CA1: variants seen among roughly 807,000 people sequenced by gnomAD.
The protein encoded by CA1 is carbonate dehydratase I.
Under a neutral mutation model 28.8 loss-of-function variants are expected in CA1, and 27 were observed. That is an observed-to-expected ratio of 0.94 (90% confidence interval 0.69 to 1.29). The LOEUF is 1.29. CA1 is among the 50% of genes most tolerant of loss of function. The probability of loss-of-function intolerance (pLI) is 0.00; values close to 1 mark genes in which losing one functional copy is unlikely to be tolerated. For synonymous variants in CA1, 121 were observed against 108.8 expected (o/e 1.11, Z -0.70); for missense variants, 335 against 310.5 (o/e 1.08, Z -0.59).
chr8:85,337,970 T>C, intron 3 of CA1: 1 of 535,064 alleles, frequency 1.9e-6, no homozygotes, highest in South Asian at 1.9e-5. Flanking sequence ...ATAAATGCTG[T>C]TTATTCAGAG....
intron 1 of CA1, among the ~76,000 whole-genome samples, chr8:85,352,554 C>T (rs1007243815): frequency 6.6e-6 from 1 of 152,086 alleles, no homozygotes; most frequent in South Asian, 2.1e-4. Context: ...AGACTGTGAC[C>T]TTGCCTTTGA....
chr8:85,375,524 A>G (rs1485395090), intron 1 of CA1, among the ~76,000 whole-genome samples: 1 of 152,168 alleles, frequency 6.6e-6, no homozygotes, highest in Non-Finnish European at 1.5e-5. Context: ...TTTTGAAAAA[A>G]AAAAAAGATT....
chr8:85,354,393 A>G (rs563018253), intron 1 of CA1, among the ~76,000 whole-genome samples: 5 of 152,062 alleles, frequency 3.3e-5, no homozygotes, highest in African/African-American at 9.6e-5. Flanking sequence ...AATCTCTTAG[A>G]TACACCCCAG....
chr8:85,357,560 G>A (rs1809648777), intron 1 of CA1, among the ~76,000 whole-genome samples: 1 of 152,104 alleles, frequency 6.6e-6, no homozygotes. Context: ...TAATGAAATA[G>A]AATAAAATCT....
chr8:85,340,624 T>A (rs1808875240), intron 2 of CA1, among the ~76,000 whole-genome samples: 1 of 152,236 alleles, frequency 6.6e-6, no homozygotes, highest in South Asian at 2.1e-4. Flanking sequence ...TAATTTTTTT[T>A]ATGATGGATC....
rs73691821 is a variant in CA1 at position 85,337,753 on chromosome 8, G to T, written c.235+499C>A. ...TTTAAATCAGTAGAACTGTTTTATG[G>T]AATTGTCATTTAATAAAATATTCAA... On this transcript the variant is annotated intron_variant, in intron 3 of 7. Coordinates refer to ENST00000523022, the MANE Select transcript of CA1 (RefSeq NM_001128831.4). Among the ~76,000 whole-genome samples the T allele has an allele frequency of 6.6e-3, 1,008 of 152,236 alleles. 11 individuals are homozygous for T. Among genetic ancestry groups the T allele is most frequent in the African/African-American group, 0.023 (944 of 41,544 alleles).
chr8:85,345,061 G>T (rs1304137087), intron 1 of CA1, among the ~76,000 whole-genome samples: 1 of 152,122 alleles, frequency 6.6e-6, no homozygotes, highest in Non-Finnish European at 1.5e-5. Flanking sequence ...TTTCTGCATT[G>T]AGACAACTAG....
intron 1 of CA1, among the ~76,000 whole-genome samples, chr8:85,370,603 G>T (rs1381314481): frequency 6.6e-6 from 1 of 151,842 alleles, no homozygotes; most frequent in Non-Finnish European, 1.5e-5. Context: ...CAGTAGAGAT[G>T]CTTTTTATTT....
chr8:85,354,301 T>TA (rs1487625305), intron 1 of CA1, among the ~76,000 whole-genome samples: 1 of 151,242 alleles, frequency 6.6e-6, no homozygotes, highest in Non-Finnish European at 1.5e-5. Context: ...TTTTCTTTTT[T>TA]TTTTAACATA....
intron 1 of CA1, among the ~76,000 whole-genome samples, chr8:85,371,521 T>C (rs557974911): frequency 5.3e-5 from 8 of 152,188 alleles, no homozygotes; most frequent in South Asian, 2.1e-4. Flanking sequence ...TTTAATGCCA[T>C]GTGTAGTACA....
At chr8:85,340,846 C>T (rs1808883803) in intron 2 of CA1, among the ~76,000 whole-genome samples, 1 of 152,090 alleles carries the variant, frequency 6.6e-6, no homozygotes, top group Admixed American at 6.6e-5. Flanking sequence ...CCTCCACCAT[C>T]AAAAAGATTA....
chr8:85,353,959 CT>C lies in CA1; in HGVS notation c.-24-12301del, dbSNP rs112342471. ...GACAGGGAGGGAAAGGTAATACATA[CT>C]TTTTTTTTTCTTTTCTTTTTTTGAG... On this transcript the variant is annotated intron_variant, in intron 1 of 7. Coordinates refer to ENST00000523022, the MANE Select transcript of CA1 (RefSeq NM_001128831.4). Among the ~76,000 whole-genome samples, 657 of 149,272 alleles carry C rather than the reference CT, an allele frequency of 4.4e-3. 6 individuals are homozygous for C. The highest frequency in any genetic ancestry group is 0.015 in the African/African-American group (617 of 40,716).
chr8:85,333,748 A>T (rs1259986625), intron 4 of CA1, 128 bp from the exon 5 acceptor site: 1 of 660,664 alleles, frequency 1.5e-6, no homozygotes, highest in Non-Finnish European at 2.8e-6. Flanking sequence ...GTGAACCTTT[A>T]TCCAGTGGAT....
intron 1 of CA1, among the ~76,000 whole-genome samples, chr8:85,346,959 A>G (rs930147732): frequency 5.3e-5 from 8 of 152,162 alleles, no homozygotes; most frequent in Non-Finnish European, 8.8e-5. Flanking sequence ...ACTAAATCCT[A>G]TATGTAAATA....
At chr8:85,339,728 T>C (rs1808838168) in intron 2 of CA1, among the ~76,000 whole-genome samples, 1 of 152,202 alleles carries the variant, frequency 6.6e-6, no homozygotes, top group Non-Finnish European at 1.5e-5. Flanking sequence ...TTAAAGGTGC[T>C]ACACCAGTGC....
At chr8:85,363,061 G>A (rs1809862083) in intron 1 of CA1, among the ~76,000 whole-genome samples, 1 of 152,170 alleles carries the variant, frequency 6.6e-6, no homozygotes, top group Admixed American at 6.5e-5. Flanking sequence ...GGTTTGCTTA[G>A]TCATCATGGT....
At chr8:85,333,805 G>C (rs1267355958) in intron 4 of CA1, among the ~76,000 whole-genome samples, 185 bp from the exon 5 acceptor site, 1 of 152,156 alleles carries the variant, frequency 6.6e-6, no homozygotes, top group African/African-American at 2.4e-5. Flanking sequence ...CTGTGTGCCA[G>C]GTAGAGATTA....
chr8:85,348,820 A>G (rs1218833188), intron 1 of CA1, among the ~76,000 whole-genome samples: 2 of 152,252 alleles, frequency 1.3e-5, no homozygotes, highest in Non-Finnish European at 2.9e-5. Context: ...AACGATTAAT[A>G]CACATAGCAG....
chr8:85,360,852 G>A (rs1809768449), intron 1 of CA1, among the ~76,000 whole-genome samples: 1 of 152,036 alleles, frequency 6.6e-6, no homozygotes, highest in South Asian at 2.1e-4. Context: ...TATCAAATCA[G>A]CAGCAAGTTT....
Sources: allele counts gnomAD v4.1 joint callset (sites outside exome capture counted in the v4.1 genomes callset), GRCh38; gene constraint gnomAD v4.1.1; transcripts MANE v1.5; gene names NCBI Gene and HGNC (gene_info 2026-07-23, HGNC 2026-07-21).